The following HEATR6 variants were observed in gnomAD, a reference collection of about 807,000 sequenced individuals.
HEATR6 encodes HEAT repeat containing 6.
Under a neutral mutation model 132.8 loss-of-function variants are expected in HEATR6, and 106 were observed. That is an observed-to-expected ratio of 0.80 (90% CI 0.68 to 0.94). The LOEUF (loss-of-function observed/expected upper bound fraction) is 0.94, where lower values mean the gene tolerates loss of function less well. HEATR6 is among the 40% of genes least tolerant of loss of function. The pLI is 0.00. For synonymous variants in HEATR6, 529 were observed against 537.8 expected, an observed-to-expected ratio of 0.98 and a Z score of 0.23; for missense variants, 1,339 against 1,425.1, an observed-to-expected ratio of 0.94 and a Z score of 0.97.
At position 60,078,693 on chromosome 17, in the gene HEATR6, T is replaced by A. The variant is rs2083308776; in HGVS notation, c.219+3A>T. The A allele has an allele frequency of 6.5e-7, 1 of 1,537,648 alleles. No individual in the cohort carries two copies. Among genetic ancestry groups the A allele is most frequent in the Non-Finnish European group, 8.7e-7 (1 of 1,143,290 alleles). ...GCCGGGGCCAGCAGGGCGCGCCGCCTACCTCCGGGGCCACGCCACTGCCCT... is the reference window on the plus strand; with the variant it reads ...GCCGGGGCCAGCAGGGCGCGCCGCCAACCTCCGGGGCCACGCCACTGCCCT... On this transcript the variant is annotated splice_donor_region_variant and intron_variant, in intron 1 of 19. Coordinates refer to ENST00000184956, the MANE Select transcript of HEATR6 (RefSeq NM_022070.5).
chr17:60,062,304 A>G (rs1032618325), intron 9 of HEATR6, among the ~76,000 whole-genome samples: 2 of 152,214 alleles, frequency 1.3e-5, no homozygotes, highest in African/African-American at 4.8e-5. Flanking sequence ...CTCTTCAGAG[A>G]GCTCATTTTG....
At chr17:60,076,946 A>T (rs1452175365) in intron 1 of HEATR6, among the ~76,000 whole-genome samples, 2 of 112,478 alleles carry the variant, frequency 1.8e-5, no homozygotes, top group African/African-American at 9.7e-5. Flanking sequence ...GGAATTCTTA[A>T]AAAAAAAAAA....
In HEATR6 at chr17:60,070,766, A is replaced by G. The variant is rs1374990784; in HGVS notation, c.741T>C (p.Asn247=). The G allele has an allele frequency of 1.2e-6, 2 of 1,610,082 alleles. No homozygotes were observed. Among genetic ancestry groups the G allele is most frequent in the Non-Finnish European group, 8.5e-7 (1 of 1,176,496 alleles). The part of the protein sequence containing the change: ...NALKGIQSLL[N]GGRMKLTQTD... ...TCTGTGTTAGTTTCATTCTCCCACC[A>G]TTTAGAAGTGACTGTATACCTTTTA... The change falls in exon 6 of 20, where the codon AAT becomes AAC. Residue 247 remains asparagine (N), a synonymous_variant. Transcript: ENST00000184956.
At chr17:60,074,721 AC>A (rs1195872473) in intron 2 of HEATR6, among the ~76,000 whole-genome samples, 4 of 152,030 alleles carry the variant, frequency 2.6e-5, no homozygotes, top group African/African-American at 9.7e-5. Context: ...GGCAACCTTA[AC>A]CCCCAAGGAA....
In HEATR6 at chr17:60,043,812, C is replaced by G. The variant is rs1030528997; in HGVS notation, c.3297G>C (p.Gly1099=). 6.2e-7 allele frequency: 1 copy of G among 1,614,070 alleles called. No homozygotes were observed. Among genetic ancestry groups the G allele is most frequent in the Non-Finnish European group, 8.5e-7 (1 of 1,180,048 alleles). The change falls in exon 20 of 20, where the codon GGG becomes GGC. Residue 1099 remains glycine, a synonymous_variant. Coordinates refer to ENST00000184956, the MANE Select transcript of HEATR6 (RefSeq NM_022070.5). ...GTAGAATATAGGACTGGACCATATT[C>G]CCACTCAGTTCAAGGGTTTCTTTCA... ...PCMKETLELS[G]NMVQSYILQF...
chr17:60,073,930 AATATT>A (rs2083283653), intron 2 of HEATR6, 44 bp from the exon 3 acceptor site: 1 of 1,592,626 alleles, frequency 6.3e-7, no homozygotes, highest in African/African-American at 1.4e-5. Flanking sequence ...ACTTTTAAAA[AATATT>A]ATGCTTTTAT....
At chr17:60,045,108 CACT>C (rs1214466275) in intron 19 of HEATR6, among the ~76,000 whole-genome samples, 20 of 152,208 alleles carry the variant, frequency 1.3e-4, no homozygotes, top group Admixed American at 1.3e-3. Context: ...AGCCAACCAC[CACT>C]GAGGTGCCCT....
chr17:60,043,127 G>T lies in HEATR6; in HGVS notation c.*436C>A. ...GCAGCTGGGCCAGGACAAACTGGCTGAACTGCAGCTCTGCTTGCAGCTTGC... is the reference window on the plus strand; with the variant it reads ...GCAGCTGGGCCAGGACAAACTGGCTTAACTGCAGCTCTGCTTGCAGCTTGC... On this transcript the variant is annotated 3_prime_UTR_variant, in exon 20 of 20. Transcript: ENST00000184956. 3.9e-6 allele frequency: 1 copy of T among 253,712 alleles called. No homozygotes were observed. Among genetic ancestry groups the T allele is most frequent in the South Asian group, 4.3e-5 (1 of 23,194 alleles). The allele number at this position is 253,712 out of a possible 1,614,324, so 15.7% of individuals were successfully genotyped here.
intron 7 of HEATR6, 122 bp downstream of exon 7, chr17:60,069,589 C>G (rs995778900): frequency 5.5e-6 from 5 of 907,080 alleles, no homozygotes; most frequent in Non-Finnish European, 6.7e-6. Context: ...TGCTAACAAC[C>G]CTAAACTGAA....
intron 9 of HEATR6, among the ~76,000 whole-genome samples, chr17:60,065,156 T>C (rs1162412687): frequency 6.6e-6 from 1 of 152,254 alleles, no homozygotes; most frequent in Non-Finnish European, 1.5e-5. Context: ...TTTAGTTAAT[T>C]TGTAAAATTT....
intron 1 of HEATR6, among the ~76,000 whole-genome samples, chr17:60,077,955 G>A (rs935032565): frequency 6.6e-6 from 1 of 152,210 alleles, no homozygotes; most frequent in Non-Finnish European, 1.5e-5. Context: ...TTTGTGTCTG[G>A]TGTGACTTGG....
chr17:60,068,684 T>A (rs1302036717), intron 7 of HEATR6, among the ~76,000 whole-genome samples: 1 of 151,702 alleles, frequency 6.6e-6, no homozygotes, highest in Non-Finnish European at 1.5e-5. Context: ...TATACTCTCA[T>A]TCTCTATGTC....
chr17:60,048,159 A>C, intron 17 of HEATR6, 105 bp downstream of exon 17: 1 of 1,183,114 alleles, frequency 8.5e-7, no homozygotes, highest in Non-Finnish European at 1.2e-6. Context: ...CTGACTGCAT[A>C]ATATGCGGGA....
intron 19 of HEATR6, 52 bp from the exon 20 acceptor site, chr17:60,044,186 G>T: frequency 7.1e-7 from 1 of 1,411,478 alleles, no homozygotes. Flanking sequence ...AACTAGGTGG[G>T]GTGAGAGGGA....
At chr17:60,078,013 TGCGTGTTTGGA>T (rs1316203220) in intron 1 of HEATR6, among the ~76,000 whole-genome samples, 3 of 152,178 alleles carry the variant, frequency 2.0e-5, no homozygotes, top group Non-Finnish European at 4.4e-5. Flanking sequence ...GGGACGGGAA[TGCGTGTTTGGA>T]GCTAATGAAT....
At chr17:60,067,834 A>G in intron 7 of HEATR6, 102 bp from the exon 8 acceptor site, 1 of 912,954 alleles carries the variant, frequency 1.1e-6, no homozygotes, top group Middle Eastern at 2.8e-4. Context: ...TATGTCCCCA[A>G]CATGTAGTTT....
At position 60,067,634 on chromosome 17, in the gene HEATR6, A is replaced by G. The variant is rs746259119; in HGVS notation, c.1038T>C (p.Thr346=). The G allele has an allele frequency of 6.2e-7, 1 of 1,612,686 alleles. No homozygotes were observed. ...CATGCAGGTTCACTCTGCCTGTGCC[A>G]GTGACTGGGGCTGCCTCTATTTCAC... The part of the protein sequence containing the change: ...SSGEIEAAPV[T]GTGRVNLHEG... The change falls in exon 8 of 20, where the codon ACT becomes ACC. Residue 346 remains threonine, a synonymous_variant. Coordinates refer to ENST00000184956, the MANE Select transcript of HEATR6 (RefSeq NM_022070.5).
chr17:60,075,012 A>G (rs545531324), intron 2 of HEATR6, among the ~76,000 whole-genome samples: 3 of 152,218 alleles, frequency 2.0e-5, no homozygotes, highest in Non-Finnish European at 4.4e-5. Context: ...GCCATTCACA[A>G]TAAGACCATC....
chr17:60,047,212 C>T (rs1906398578), intron 18 of HEATR6, 97 bp downstream of exon 18: 2 of 727,348 alleles, frequency 2.7e-6, no homozygotes, highest in Non-Finnish European at 4.7e-6. Context: ...TTTGGTGGGA[C>T]AGTCTGAGGA....
Sources: allele counts gnomAD v4.1 joint callset (sites outside exome capture counted in the v4.1 genomes callset), GRCh38; gene constraint gnomAD v4.1.1; transcripts MANE v1.5; gene names NCBI Gene and HGNC (gene_info 2026-07-23, HGNC 2026-07-21).